WWOX: variants seen among roughly 807,000 people sequenced by gnomAD.
WWOX encodes WW domain containing oxidoreductase, also known as WW domain-containing oxidoreductase.
In WWOX, 69 loss-of-function variants were observed where a neutral mutation model predicts 46.2. That is an observed-to-expected ratio of 1.49 (90% CI 1.23 to 1.82). The LOEUF (loss-of-function observed/expected upper bound fraction) is 1.82, where lower values mean the gene tolerates loss of function less well. Among genes scored for constraint, WWOX ranks in the 40% most tolerant of loss-of-function variants. WWOX has a pLI of 0.00. For missense variants in WWOX, 919 were observed against 542.6 expected, an observed-to-expected ratio of 1.69 and a Z score of -6.89; for synonymous variants, 359 against 202.6, an observed-to-expected ratio of 1.77 and a Z score of -6.56.
At chr16:79,109,870 C>T (rs1166629488) in intron 8 of WWOX, among the ~76,000 whole-genome samples, 1 of 152,104 alleles carries the variant, frequency 6.6e-6, no homozygotes, top group Non-Finnish European at 1.5e-5. Context: ...TACTGCAGTA[C>T]AAGATTTGGC....
At chr16:79,032,600 A>G (rs1218201931) in intron 8 of WWOX, among the ~76,000 whole-genome samples, 1 of 148,658 alleles carries the variant, frequency 6.7e-6, no homozygotes, top group African/African-American at 2.5e-5. Flanking sequence ...AAAAACATAT[A>G]TATAATGAAT....
At chr16:79,194,995 G>A (rs1040214939) in intron 8 of WWOX, among the ~76,000 whole-genome samples, 3 of 152,150 alleles carry the variant, frequency 2.0e-5, no homozygotes, top group African/African-American at 7.2e-5. Context: ...CGCCACTGCT[G>A]TCTTCTGCTG....
intron 8 of WWOX, among the ~76,000 whole-genome samples, chr16:78,755,234 CA>C (rs5818169): frequency 0.58 from 81,209 of 139,680 alleles, 23,474 homozygotes; most frequent in South Asian, 0.69. Flanking sequence ...AAAGTTTCAT[CA>C]AAAAAAAAAA....
intron 8 of WWOX, among the ~76,000 whole-genome samples, chr16:79,201,384 T>G (rs2051348873): frequency 6.7e-6 from 1 of 150,348 alleles, no homozygotes; most frequent in Non-Finnish European, 1.5e-5. Context: ...TTACAGGGAA[T>G]AAGATCTGTT....
chr16:78,992,306 TACA>T (rs1597247718), intron 8 of WWOX, among the ~76,000 whole-genome samples: 6 of 5,222 alleles, frequency 1.1e-3, no homozygotes, highest in East Asian at 0.2. Flanking sequence ...CTACTAAAAA[TACA>T]AAAAAAAATT....
chr16:78,751,566 C>T (rs1377792529), intron 8 of WWOX, among the ~76,000 whole-genome samples: 1 of 146,810 alleles, frequency 6.8e-6, no homozygotes, highest in African/African-American at 2.6e-5. Flanking sequence ...CATTTTAAAA[C>T]AGTTTACTAA....
intron 8 of WWOX, among the ~76,000 whole-genome samples, chr16:78,905,773 C>T (rs2044947065): frequency 6.6e-6 from 1 of 152,244 alleles, no homozygotes; most frequent in East Asian, 1.9e-4. Flanking sequence ...CCTATTTATA[C>T]AATGTAGTTT....
At chr16:78,920,005 A>G (rs1282051039) in intron 8 of WWOX, among the ~76,000 whole-genome samples, 1 of 152,172 alleles carries the variant, frequency 6.6e-6, no homozygotes, top group Non-Finnish European at 1.5e-5. Context: ...TTTGGAAGGG[A>G]AGCACTGAGG....
intron 8 of WWOX, among the ~76,000 whole-genome samples, chr16:78,751,847 G>A (rs1478803402): frequency 6.6e-6 from 1 of 151,472 alleles, no homozygotes; most frequent in Non-Finnish European, 1.5e-5. Context: ...AAGGAGGGAG[G>A]GAAGGTAAGA....
chr16:78,283,187 C>A (rs534365093), intron 5 of WWOX, among the ~76,000 whole-genome samples: 46 of 151,902 alleles, frequency 3.0e-4, no homozygotes, highest in Middle Eastern at 3.4e-3. Flanking sequence ...GAGGAGGCAA[C>A]ATGACAACGT....
chr16:78,518,276 G>T (rs890108342), intron 8 of WWOX, among the ~76,000 whole-genome samples: 2 of 152,054 alleles, frequency 1.3e-5, no homozygotes, highest in Non-Finnish European at 2.9e-5. Context: ...CTGTCACCCA[G>T]GCTGAAGTGC....
At chr16:79,029,544 G>C (rs973275344) in intron 8 of WWOX, among the ~76,000 whole-genome samples, 27 of 152,136 alleles carry the variant, frequency 1.8e-4, no homozygotes, top group Non-Finnish European at 3.2e-4. Flanking sequence ...GCTCCTTTAA[G>C]TTAGGGTAAA....
chr16:78,155,610 G>A (rs2034571800), intron 4 of WWOX, among the ~76,000 whole-genome samples: 1 of 152,128 alleles, frequency 6.6e-6, no homozygotes, highest in African/African-American at 2.4e-5. Flanking sequence ...GTATTATTAG[G>A]TTTACATATT....
At chr16:78,592,349 C>G (rs898670788) in intron 8 of WWOX, among the ~76,000 whole-genome samples, 2 of 152,146 alleles carry the variant, frequency 1.3e-5, no homozygotes, top group Non-Finnish European at 2.9e-5. Context: ...AACATTCAAG[C>G]AGTCACTTAA....
intron 8 of WWOX, among the ~76,000 whole-genome samples, chr16:78,659,717 C>G (rs968301933): frequency 1.3e-5 from 2 of 152,072 alleles, no homozygotes; most frequent in Non-Finnish European, 2.9e-5. Flanking sequence ...GCCCAAAAGT[C>G]TTAGAAAAAT....
intron 8 of WWOX, among the ~76,000 whole-genome samples, chr16:78,683,964 C>G (rs1482354031): frequency 1.3e-5 from 2 of 152,182 alleles, no homozygotes; most frequent in East Asian, 1.9e-4. Context: ...GTAACTGTCT[C>G]TTGCGATCCC....
At chr16:78,917,824 G>A (rs910124120) in intron 8 of WWOX, among the ~76,000 whole-genome samples, 1 of 152,104 alleles carries the variant, frequency 6.6e-6, no homozygotes, top group African/African-American at 2.4e-5. Context: ...GAATGAAAAT[G>A]ATACTGACAA....
intron 8 of WWOX, among the ~76,000 whole-genome samples, chr16:78,992,158 T>C (rs2046900296): frequency 6.6e-6 from 1 of 152,184 alleles, no homozygotes; most frequent in South Asian, 2.1e-4. Flanking sequence ...CATTCACAGG[T>C]AAAGAAGCCT....
chr16:78,954,121 T>G (rs998117024), intron 8 of WWOX, among the ~76,000 whole-genome samples: 1 of 152,208 alleles, frequency 6.6e-6, no homozygotes, highest in African/African-American at 2.4e-5. Flanking sequence ...TTTTTTAAAT[T>G]GTTAAGATCT....
Sources: gnomAD v4.1 joint callset for allele counts (sites outside exome capture counted in the v4.1 genomes callset) on GRCh38, gnomAD v4.1.1 for gene constraint, MANE v1.5 for transcripts, NCBI Gene and HGNC (gene_info 2026-07-23, HGNC 2026-07-21) for gene names.